NKAIN2: variants seen among roughly 807,000 people sequenced by gnomAD.
The protein encoded by NKAIN2 is sodium/potassium transporting ATPase interacting 2.
In NKAIN2, 14 loss-of-function variants were observed where a neutral mutation model predicts 32.6. That is an observed-to-expected ratio of 0.43 (90% CI 0.28 to 0.67). The LOEUF (loss-of-function observed/expected upper bound fraction) is 0.67. Ranked by LOEUF, NKAIN2 falls within the 30% of genes least tolerant of loss-of-function variation. The probability of loss-of-function intolerance (pLI) is 0.17; values close to 1 mark genes in which losing one functional copy is unlikely to be tolerated. For synonymous variants in NKAIN2, 80 were observed against 87.2 expected, an observed-to-expected ratio of 0.92 and a Z score of 0.46; for missense variants, 198 against 258.3, an observed-to-expected ratio of 0.77 and a Z score of 1.60.
In NKAIN2 at chr6:124,707,798, T is replaced by A. The variant is rs551840675; in HGVS notation, c.474+49412T>A. Among the ~76,000 whole-genome samples the A allele has an allele frequency of 5.7e-3, 872 of 152,250 alleles. 6 individuals carry two copies. The highest frequency in any genetic ancestry group is 8.8e-3 in the Non-Finnish European group (597 of 68,034). On this transcript the variant is annotated intron_variant, in intron 4 of 6. Transcript: ENST00000368417. ...TTCTCCCATTGTGTAGGTTGCCTGT[T>A]CACTCTGATGGTAGTTTCTTTTGCT...
At chr6:124,235,005 G>T (rs1201867024) in intron 1 of NKAIN2, among the ~76,000 whole-genome samples, 1 of 152,086 alleles carries the variant, frequency 6.6e-6, no homozygotes, top group Non-Finnish European at 1.5e-5. Flanking sequence ...GGTGACAGGT[G>T]GCAGAGAAAG....
intron 4 of NKAIN2, among the ~76,000 whole-genome samples, chr6:124,756,383 A>G (rs1327159338): frequency 6.6e-6 from 1 of 152,098 alleles, no homozygotes; most frequent in Non-Finnish European, 1.5e-5. Flanking sequence ...TTGTTTTGGA[A>G]GAGGGAGGAA....
At chr6:124,731,275 G>A (rs1371116605) in intron 4 of NKAIN2, among the ~76,000 whole-genome samples, 3 of 147,896 alleles carry the variant, frequency 2.0e-5, no homozygotes, top group Non-Finnish European at 3.0e-5. Context: ...TGTTTATTGC[G>A]GCATTATTCA....
chr6:123,910,499 G>GTGTTTTT (rs1491095246), intron 1 of NKAIN2, among the ~76,000 whole-genome samples: 2 of 81,314 alleles, frequency 2.5e-5, no homozygotes, highest in African/African-American at 1.0e-4. Context: ...TGCAATGCAT[G>GTGTTTTT]TTTTTTTTTT....
chr6:124,508,921 G>T (rs1158353413), intron 3 of NKAIN2, among the ~76,000 whole-genome samples: 1 of 152,016 alleles, frequency 6.6e-6, no homozygotes, highest in Non-Finnish European at 1.5e-5. Context: ...TGTTTTAAAA[G>T]GACACCAGTC....
chr6:124,572,173 CT>C (rs1165450820), intron 3 of NKAIN2, among the ~76,000 whole-genome samples: 1 of 152,192 alleles, frequency 6.6e-6, no homozygotes, highest in Non-Finnish European at 1.5e-5. Flanking sequence ...CTTCCTCCAT[CT>C]TTGTTCTATT....
At chr6:124,761,188 C>A (rs1200887349) in intron 4 of NKAIN2, among the ~76,000 whole-genome samples, 1 of 152,116 alleles carries the variant, frequency 6.6e-6, no homozygotes, top group Non-Finnish European at 1.5e-5. Context: ...ACTTTCAAAC[C>A]TTGTTATTAA....
intron 3 of NKAIN2, among the ~76,000 whole-genome samples, chr6:124,488,707 C>A (rs2114718908): frequency 6.6e-6 from 1 of 152,058 alleles, no homozygotes; most frequent in African/African-American, 2.4e-5. Flanking sequence ...AGTTTGATTT[C>A]TTGGGATGGT....
intron 3 of NKAIN2, among the ~76,000 whole-genome samples, chr6:124,648,195 T>G (rs1251986699): frequency 1.3e-5 from 2 of 152,062 alleles, no homozygotes; most frequent in Admixed American, 1.3e-4. Flanking sequence ...AGGGAGTACA[T>G]TAGTGGGGAA....
intron 1 of NKAIN2, among the ~76,000 whole-genome samples, chr6:123,804,814 A>G (rs1438428871): frequency 2.0e-5 from 3 of 152,180 alleles, no homozygotes; most frequent in Non-Finnish European, 2.9e-5. Context: ...TTGAGTTTTT[A>G]AAGTATGCAG....
At chr6:124,258,280 A>G (rs1201674395) in intron 1 of NKAIN2, among the ~76,000 whole-genome samples, 2 of 152,294 alleles carry the variant, frequency 1.3e-5, no homozygotes, top group African/African-American at 2.4e-5. Context: ...GTAGATTTGT[A>G]TATTTGCATT....
chr6:124,418,514 GATAT>G (rs945204177), intron 3 of NKAIN2, among the ~76,000 whole-genome samples: 5 of 146,632 alleles, frequency 3.4e-5, no homozygotes, highest in Non-Finnish European at 7.5e-5. Context: ...GTTTATATAT[GATAT>G]ATATACTTTA....
At chr6:124,205,450 ATACTTTTACTC>A (rs1241664471) in intron 1 of NKAIN2, among the ~76,000 whole-genome samples, 1 of 151,742 alleles carries the variant, frequency 6.6e-6, no homozygotes, top group Non-Finnish European at 1.5e-5. Flanking sequence ...GCATTTCTGA[ATACTTTTACTC>A]TACTGGTACC....
chr6:124,068,521 G>A (rs898176960), intron 1 of NKAIN2, among the ~76,000 whole-genome samples: 3 of 151,938 alleles, frequency 2.0e-5, no homozygotes, highest in African/African-American at 7.3e-5. Flanking sequence ...CTCTTGAGTA[G>A]CTGGGACTAC....
chr6:124,141,189 A>C (rs1364034391), intron 1 of NKAIN2, among the ~76,000 whole-genome samples: 1 of 152,164 alleles, frequency 6.6e-6, no homozygotes, highest in Non-Finnish European at 1.5e-5. Flanking sequence ...AAATGGGAAA[A>C]AATAATCAAG....
intron 3 of NKAIN2, among the ~76,000 whole-genome samples, chr6:124,619,132 G>A (rs1783017618): frequency 6.6e-6 from 1 of 151,936 alleles, no homozygotes; most frequent in Non-Finnish European, 1.5e-5. Context: ...AGAACATGAA[G>A]ACCAAATTAT....
chr6:124,413,383 A>G (rs1010775014), intron 3 of NKAIN2, among the ~76,000 whole-genome samples: 4 of 152,144 alleles, frequency 2.6e-5, no homozygotes, highest in South Asian at 2.1e-4. Context: ...TCTAAAGTCC[A>G]TTGTCTATAT....
intron 2 of NKAIN2, among the ~76,000 whole-genome samples, chr6:124,313,084 A>G (rs1299543850): frequency 6.6e-6 from 1 of 152,180 alleles, no homozygotes; most frequent in African/African-American, 2.4e-5. Context: ...ATTTATACAT[A>G]TAATATCACA....
chr6:124,573,992 G>A (rs1218485474), intron 3 of NKAIN2, among the ~76,000 whole-genome samples: 1 of 152,142 alleles, frequency 6.6e-6, no homozygotes, highest in Non-Finnish European at 1.5e-5. Context: ...ATAACCAGAA[G>A]CAGTTCCTTC....
Sources: gnomAD v4.1 joint callset for allele counts (sites outside exome capture counted in the v4.1 genomes callset) on GRCh38, gnomAD v4.1.1 for gene constraint, MANE v1.5 for transcripts, NCBI Gene and HGNC (gene_info 2026-07-23, HGNC 2026-07-21) for gene names.